Variants in MBNL3 observed in about 807,000 individuals in gnomAD.
MBNL3 encodes the protein muscleblind-like protein 3.
In MBNL3, 6 loss-of-function variants were observed where a neutral mutation model predicts 24.5. That is an observed-to-expected ratio of 0.25 (90% CI 0.13 to 0.48). MBNL3 has a LOEUF of 0.48. Ranked by LOEUF, MBNL3 falls within the 20% of genes least tolerant of loss-of-function variation. The pLI is 0.99. For missense variants in MBNL3, 230 were observed against 293.5 expected (o/e 0.78, Z 1.58); for synonymous variants, 100 against 101.7 (o/e 0.98, Z 0.10).
intron 2 of MBNL3, among the ~76,000 whole-genome samples, chrX:132,429,166 A>G (rs1944541139): frequency 8.9e-6 from 1 of 112,652 alleles, no homozygotes; most frequent in Non-Finnish European, 1.9e-5. Flanking sequence ...AACACTTTAA[A>G]TAAGTTGGAT....
intron 5 of MBNL3, among the ~76,000 whole-genome samples, chrX:132,387,119 A>T (rs1936196809): frequency 9.2e-6 from 1 of 108,306 alleles, no homozygotes; most frequent in African/African-American, 3.4e-5. Flanking sequence ...AAAAAATAGA[A>T]AAAGTAGCCA....
intron 1 of MBNL3, among the ~76,000 whole-genome samples, chrX:132,445,578 T>C (rs1353710644): frequency 7.2e-5 from 8 of 111,509 alleles, no homozygotes; most frequent in Admixed American, 1.9e-4. Flanking sequence ...AAAAAGCAGG[T>C]AAGTCAACTT....
At chrX:132,436,041 G>A (rs1003538795) in intron 2 of MBNL3, among the ~76,000 whole-genome samples, 5 of 112,023 alleles carry the variant, frequency 4.5e-5, no homozygotes, top group Middle Eastern at 4.6e-3. Flanking sequence ...ATGACCCTTC[G>A]TTAAATCCAA....
At position 132,384,657 on chromosome X, in the gene MBNL3, AC is replaced by A; in HGVS notation, c.958+5del. The A allele has an allele frequency of 8.4e-7, 1 of 1,193,001 alleles. No individual in the cohort carries two copies. The highest frequency in any genetic ancestry group is 1.1e-6 in the Non-Finnish European group (1 of 884,123). On this transcript the variant is annotated splice_donor_5th_base_variant and intron_variant, in intron 7 of 8. Coordinates refer to ENST00000370853, the MANE Select transcript of MBNL3 (RefSeq NM_001386889.1). ...AAAATGTTGATAATTTTTGTAGAAA[AC>A]CTACCAATATTTGAAGCGGGTGCCA...
intron 1 of MBNL3, among the ~76,000 whole-genome samples, chrX:132,459,291 G>A (rs1247676018): frequency 9.1e-6 from 1 of 109,853 alleles, no homozygotes; most frequent in Non-Finnish European, 1.9e-5. Context: ...CAGTGGACAT[G>A]GTTCCTGTTC....
chrX:132,396,462 A>G (rs1328785350), intron 3 of MBNL3, among the ~76,000 whole-genome samples: 1 of 78,535 alleles, frequency 1.3e-5, no homozygotes, highest in Admixed American at 1.7e-4. Flanking sequence ...CTATATATAT[A>G]TTCCTATATA....
chrX:132,456,198 G>A (rs1033344434), intron 1 of MBNL3, among the ~76,000 whole-genome samples: 1 of 112,055 alleles, frequency 8.9e-6, no homozygotes, highest in Admixed American at 9.5e-5. Flanking sequence ...ACCTCTGTGA[G>A]CCCATTTCTC....
chrX:132,463,676 C>A (rs1946747926), intron 1 of MBNL3, among the ~76,000 whole-genome samples: 1 of 111,046 alleles, frequency 9.0e-6, no homozygotes, highest in Non-Finnish European at 1.9e-5. Flanking sequence ...GAGTTTCGCA[C>A]ACAATTTTAA....
At chrX:132,444,700 G>C (rs1945601278) in intron 1 of MBNL3, among the ~76,000 whole-genome samples, 1 of 110,704 alleles carries the variant, frequency 9.0e-6, no homozygotes, top group African/African-American at 3.3e-5. Context: ...ATCTATAAGA[G>C]TCCTAGACAA....
At chrX:132,471,881 G>A (rs1947201521) in intron 1 of MBNL3, among the ~76,000 whole-genome samples, 1 of 112,161 alleles carries the variant, frequency 8.9e-6, no homozygotes, top group Admixed American at 9.4e-5. Context: ...AATACACTTT[G>A]CAAACAAAAA....
At chrX:132,469,059 T>C (rs1171278373) in intron 1 of MBNL3, among the ~76,000 whole-genome samples, 2 of 112,374 alleles carry the variant, frequency 1.8e-5, no homozygotes, top group Non-Finnish European at 3.8e-5. Context: ...TTCACTGTGT[T>C]AGTAAAAAGT....
At chrX:132,446,482 G>A (rs1351921441) in intron 1 of MBNL3, among the ~76,000 whole-genome samples, 2 of 111,865 alleles carry the variant, frequency 1.8e-5, no homozygotes, top group Non-Finnish European at 3.8e-5. Flanking sequence ...TTGTGGTTTC[G>A]ATTTGCATTT....
At chrX:132,382,458 A>G (rs989633087) in intron 7 of MBNL3, among the ~76,000 whole-genome samples, 186 bp from the exon 8 acceptor site, 1 of 111,844 alleles carries the variant, frequency 8.9e-6, no homozygotes, top group Admixed American at 9.5e-5. Flanking sequence ...GGAAGGGGGG[A>G]AAATTAAAAA....
At chrX:132,482,703 A>T (rs6638000) in intron 1 of MBNL3, among the ~76,000 whole-genome samples, 10,024 of 112,207 alleles carry the variant, frequency 0.089, 454 homozygotes, top group African/African-American at 0.18. Context: ...TTACAATGTT[A>T]ATTTAATAAA....
intron 8 of MBNL3, chrX:132,381,449 G>C (rs1482775779): frequency 2.0e-6 from 2 of 997,664 alleles, no homozygotes; most frequent in Non-Finnish European, 2.8e-6. Flanking sequence ...TAGTAAAAAA[G>C]ATTTTAGATT....
At chrX:132,467,096 T>G (rs977396323) in intron 1 of MBNL3, among the ~76,000 whole-genome samples, 19 of 111,719 alleles carry the variant, frequency 1.7e-4, no homozygotes, top group African/African-American at 5.9e-4. Flanking sequence ...TTCAAATCCC[T>G]TGACATTATA....
At chrX:132,441,346 C>G (rs901817139) in intron 1 of MBNL3, among the ~76,000 whole-genome samples, 3 of 111,901 alleles carry the variant, frequency 2.7e-5, no homozygotes, top group African/African-American at 9.7e-5. Context: ...TTTTCCAGCT[C>G]TCTTCCAAAA....
At chrX:132,407,439 T>C (rs764114196) in intron 2 of MBNL3, among the ~76,000 whole-genome samples, 2 of 112,456 alleles carry the variant, frequency 1.8e-5, no homozygotes, top group Non-Finnish European at 3.8e-5. Flanking sequence ...GTTTTTCCCA[T>C]TGCTCAATTT....
At chrX:132,471,348 A>C (rs1474638118) in intron 1 of MBNL3, among the ~76,000 whole-genome samples, 1 of 112,707 alleles carries the variant, frequency 8.9e-6, no homozygotes, top group Non-Finnish European at 1.9e-5. Context: ...AGTTATTACA[A>C]GGGAAAACAC....
Sources: allele counts gnomAD v4.1 joint callset (sites outside exome capture counted in the v4.1 genomes callset), GRCh38; gene constraint gnomAD v4.1.1; transcripts MANE v1.5; gene names NCBI Gene and HGNC (gene_info 2026-07-23, HGNC 2026-07-21).